Variants in RASA1 observed in about 807,000 individuals in gnomAD.
RASA1 encodes the protein ras GTPase-activating protein 1.
Under a neutral mutation model 132.2 loss-of-function variants are expected in RASA1, and 25 were observed. That is an observed-to-expected ratio of 0.19 (90% CI 0.14 to 0.26). The LOEUF is 0.26. Ranked by LOEUF, RASA1 falls within the 10% of genes least tolerant of loss-of-function variation. RASA1 has a pLI of 1.00. For synonymous variants in RASA1, 477 were observed against 449.9 expected, an observed-to-expected ratio of 1.06 and a Z score of -0.76; for missense variants, 964 against 1,299.2, an observed-to-expected ratio of 0.74 and a Z score of 3.97.
At chr5:87,389,175 C>T (rs1762282846) in intron 23 of RASA1, 5 of 448,036 alleles carry the variant, frequency 1.1e-5, no homozygotes, top group South Asian at 6.5e-5. Flanking sequence ...GTATTTGTAA[C>T]AAAAAATTAG....
intron 16 of RASA1, 49 bp from the exon 17 acceptor site, chr5:87,376,832 T>A: frequency 6.6e-7 from 1 of 1,522,524 alleles, no homozygotes; most frequent in African/African-American, 1.4e-5. Flanking sequence ...TCATGGAGCA[T>A]GCTTATAATG....
At chr5:87,345,569 C>T (rs1474201251) in intron 6 of RASA1, among the ~76,000 whole-genome samples, 3 of 152,076 alleles carry the variant, frequency 2.0e-5, no homozygotes, top group Non-Finnish European at 1.5e-5. Context: ...AAAATTTACA[C>T]AGGGAGCACC....
In RASA1 at chr5:87,358,886, A is replaced by G. The variant is rs115516306; in HGVS notation, c.1333-3665A>G. Among the ~76,000 whole-genome samples the G allele has an allele frequency of 9.9e-3, 1,509 of 152,246 alleles. 24 individuals are homozygous for G. The highest frequency in any genetic ancestry group is 0.035 in the African/African-American group (1,456 of 41,540). On this transcript the variant is annotated intron_variant, in intron 9 of 24. Coordinates refer to ENST00000274376, the MANE Select transcript of RASA1 (RefSeq NM_002890.3). ...TGTGTCCAAAATTGTTTTCTCTTGGATATCCACTAGCCTCACTCTTACATC... is the reference window on the plus strand; with the variant it reads ...TGTGTCCAAAATTGTTTTCTCTTGGGTATCCACTAGCCTCACTCTTACATC...
At chr5:87,291,943 C>T (rs1258011018) in intron 1 of RASA1, among the ~76,000 whole-genome samples, 1 of 152,176 alleles carries the variant, frequency 6.6e-6, no homozygotes, top group Non-Finnish European at 1.5e-5. Context: ...AACATCTTTT[C>T]ATGTGTTTAT....
chr5:87,326,723 TG>T (rs1404188314), intron 1 of RASA1, among the ~76,000 whole-genome samples: 1 of 152,168 alleles, frequency 6.6e-6, no homozygotes, highest in East Asian at 1.9e-4. Flanking sequence ...GGGGGCTCTT[TG>T]GGGGTTTCCT....
At chr5:87,354,202 T>C (rs139290658) in intron 9 of RASA1, among the ~76,000 whole-genome samples, 14 of 152,220 alleles carry the variant, frequency 9.2e-5, no homozygotes, top group Admixed American at 2.0e-4. Context: ...AATCATAATC[T>C]TGTCACATTT....
At chr5:87,326,295 T>A (rs1757225034) in intron 1 of RASA1, among the ~76,000 whole-genome samples, 1 of 152,202 alleles carries the variant, frequency 6.6e-6, no homozygotes, top group Admixed American at 6.5e-5. Flanking sequence ...TAAAAAATGT[T>A]CATGTGATTC....
chr5:87,295,889 T>C (rs976018304), intron 1 of RASA1, among the ~76,000 whole-genome samples: 4 of 151,964 alleles, frequency 2.6e-5, no homozygotes, highest in Non-Finnish European at 5.9e-5. Context: ...CCATCTCTGC[T>C]CACAGCAACC....
At position 87,288,187 on chromosome 5, in the gene RASA1, T is replaced by C. The variant is rs117577696; in HGVS notation, c.539+19197T>C. On this transcript the variant is annotated intron_variant, in intron 1 of 24. Coordinates refer to ENST00000274376, the MANE Select transcript of RASA1 (RefSeq NM_002890.3). ...TATATACACACCATATATATATATATACCATATATATATACCAGAAGCAAT... is the reference window on the plus strand; with the variant it reads ...TATATACACACCATATATATATATACACCATATATATATACCAGAAGCAAT... Among the ~76,000 whole-genome samples, 3,821 of 148,686 alleles carry C rather than the reference T, an allele frequency of 0.026. 409 individuals are homozygous for C. In the East Asian group the frequency reaches 0.38, roughly 15 times the overall value.
intron 1 of RASA1, among the ~76,000 whole-genome samples, chr5:87,320,296 A>G (rs1425487235): frequency 1.3e-5 from 2 of 152,140 alleles, no homozygotes; most frequent in Non-Finnish European, 2.9e-5. Context: ...CCCAGTTCCA[A>G]AGTTGCTTCT....
At chr5:87,277,900 A>G (rs1234588312) in intron 1 of RASA1, among the ~76,000 whole-genome samples, 1 of 152,168 alleles carries the variant, frequency 6.6e-6, no homozygotes, top group Non-Finnish European at 1.5e-5. Flanking sequence ...TCTGATTATT[A>G]TAGTGTGGAA....
chr5:87,318,580 C>A (rs937396382), intron 1 of RASA1: 1 of 152,244 alleles, frequency 6.6e-6, no homozygotes, highest in African/African-American at 2.4e-5. Context: ...GAATGTGCCA[C>A]ACACTTTTAA....
chr5:87,360,470 A>G (rs936452214), intron 9 of RASA1, among the ~76,000 whole-genome samples: 1 of 152,174 alleles, frequency 6.6e-6, no homozygotes, highest in Non-Finnish European at 1.5e-5. Context: ...TACAGTGTCC[A>G]TTGCTCCATA....
intron 1 of RASA1, among the ~76,000 whole-genome samples, chr5:87,322,238 G>A (rs982086058): frequency 6.6e-6 from 1 of 152,128 alleles, no homozygotes; most frequent in African/African-American, 2.4e-5. Flanking sequence ...ACAGCAGGAG[G>A]TGTGAGCCAC....
intron 1 of RASA1, among the ~76,000 whole-genome samples, chr5:87,325,391 A>C (rs1288592505): frequency 6.6e-6 from 1 of 152,264 alleles, no homozygotes; most frequent in Non-Finnish European, 1.5e-5. Context: ...GTTACAAATA[A>C]ATATGGGAGC....
chr5:87,367,447 GGT>G (rs1760608922), intron 11 of RASA1, among the ~76,000 whole-genome samples: 1 of 152,194 alleles, frequency 6.6e-6, no homozygotes, highest in Admixed American at 6.5e-5. Context: ...TTGTGCAGTA[GGT>G]GATTAGTGCG....
intron 17 of RASA1, 95 bp from the exon 18 acceptor site, chr5:87,378,296 GGCTAT>G (rs1761460412): frequency 7.3e-7 from 1 of 1,365,448 alleles, no homozygotes. Flanking sequence ...ACATTTAAGT[GGCTAT>G]TCCTGTTGAG....
intron 18 of RASA1, among the ~76,000 whole-genome samples, chr5:87,378,961 A>G (rs927481105): frequency 2.6e-5 from 4 of 152,212 alleles, no homozygotes; most frequent in African/African-American, 9.6e-5. Context: ...TAAAACAAAA[A>G]AATCTTTTTA....
At chr5:87,292,158 G>C (rs899300390) in intron 1 of RASA1, among the ~76,000 whole-genome samples, 2 of 152,116 alleles carry the variant, frequency 1.3e-5, no homozygotes, top group Non-Finnish European at 2.9e-5. Context: ...TTGCAGAGCA[G>C]AAGTTTTTAA....
Sources: gnomAD v4.1 joint callset for allele counts (sites outside exome capture counted in the v4.1 genomes callset) on GRCh38, gnomAD v4.1.1 for gene constraint, MANE v1.5 for transcripts, NCBI Gene and HGNC (gene_info 2026-07-23, HGNC 2026-07-21) for gene names.